The following THOC1 variants were observed in gnomAD, a reference collection of about 807,000 sequenced individuals.
THOC1 encodes the protein THO complex 1.
In THOC1, 29 loss-of-function variants were observed where a neutral mutation model predicts 97.3. The observed-to-expected ratio is 0.30, with a 90% CI of 0.22 to 0.41. The LOEUF (loss-of-function observed/expected upper bound fraction) is 0.41, where lower values mean the gene tolerates loss of function less well. THOC1 is among the 10% of genes least tolerant of loss of function. The probability of loss-of-function intolerance (pLI) is 1.00; values close to 1 mark genes in which losing one functional copy is unlikely to be tolerated. For missense variants in THOC1, 529 were observed against 761.9 expected, an observed-to-expected ratio of 0.69 and a Z score of 3.60; for synonymous variants, 255 against 257.0, an observed-to-expected ratio of 0.99 and a Z score of 0.07.
At chr18:226,752 T>G (rs1428684135) in intron 12 of THOC1, 49 bp downstream of exon 12, 1 of 1,435,898 alleles carries the variant, frequency 7.0e-7, no homozygotes, top group Non-Finnish European at 9.6e-7. Context: ...CAAGTCCTTT[T>G]TTTTCTTGGC....
Position 215,345 on chromosome 18 carries a change from G to A in THOC1, c.1678+84C>T, listed in dbSNP as rs3737344. The A allele has an allele frequency of 1.4e-5, 14 of 1,026,308 alleles. No individual in the cohort carries two copies. The African/African-American group carries it at 1.4e-4, about 11-fold the overall frequency. The allele number at this position is 1,026,308 out of a possible 1,614,324, so 63.6% of individuals were successfully genotyped here. A position where few individuals can be genotyped will look rare whatever the true frequency, so the allele number is the denominator to read the frequency against. On this transcript the variant is annotated intron_variant, in intron 20 of 20. Transcript: ENST00000261600. ...ATAAAATGGGAGAAGTTGAGAAGTC[G>A]ATCAAATTAAATAATGTACCTATCA...
intron 11 of THOC1, chr18:244,773 C>T (rs547319602): frequency 6.6e-6 from 1 of 152,102 alleles, no homozygotes; most frequent in South Asian, 2.1e-4. Flanking sequence ...TCTACCATTC[C>T]CTCCATTTTC....
intron 11 of THOC1, among the ~76,000 whole-genome samples, chr18:237,261 G>A (rs891875461): frequency 6.6e-6 from 1 of 150,416 alleles, no homozygotes; most frequent in African/African-American, 2.5e-5. Flanking sequence ...CCGGGTTCAA[G>A]CAATTCTGCC....
At chr18:267,249 G>A (rs186981373) in intron 1 of THOC1, among the ~76,000 whole-genome samples, 21 of 152,220 alleles carry the variant, frequency 1.4e-4, no homozygotes, top group African/African-American at 5.1e-4. Context: ...AGTGTCTAAA[G>A]TCAGAAAAAC....
rs534593142 is a variant in THOC1 at position 268,003 on chromosome 18, G to A, written c.17C>T (p.Pro6Leu). The change falls in exon 1 of 21, where the codon CCG (proline) becomes CTG (leucine). Residue 6 changes from proline to leucine, a missense_variant. By Grantham distance (98) the Pro-to-Leu change is moderately conservative. This residue lies in a region of THOC1 where 114 missense variants were observed against 97.4 expected (regional missense o/e 1.17). Coordinates refer to ENST00000261600, the MANE Select transcript of THOC1 (RefSeq NM_005131.3). MSPTP[P>L]LFSLPEARTR... is the part of the protein sequence containing the mutation. ...CCGCGCTTCGGGCAAACTGAAGAGC[G>A]GCGGCGTCGGAGACATCTTCTCGGC... is the stretch of plus-strand genomic sequence containing the variant. 1.9e-5 allele frequency: 31 copies of A among 1,608,610 alleles called. No individual in the cohort carries two copies. Among genetic ancestry groups the A allele is most frequent in the African/African-American group, 2.7e-5 (2 of 74,864 alleles).
chr18:251,605 T>C (rs1241478906), intron 9 of THOC1, among the ~76,000 whole-genome samples: 1 of 152,192 alleles, frequency 6.6e-6, no homozygotes, highest in Non-Finnish European at 1.5e-5. Flanking sequence ...ACGGTCTATG[T>C]AGAGTTTGCA....
chr18:222,951 GTTTGC>G (rs1285438149), intron 17 of THOC1, among the ~76,000 whole-genome samples: 1 of 151,280 alleles, frequency 6.6e-6, no homozygotes, highest in African/African-American at 2.4e-5. Flanking sequence ...GCCATCAGAT[GTTTGC>G]TGGACCTCCT....
intron 9 of THOC1, 38 bp from the exon 10 acceptor site, chr18:247,995 A>G (rs766603542): frequency 1.6e-6 from 2 of 1,258,746 alleles, no homozygotes; most frequent in Non-Finnish European, 2.2e-6. Context: ...AATCATTCAA[A>G]TTCTTTTACA....
At chr18:263,887 T>C in intron 4 of THOC1, 139 bp downstream of exon 4, 2 of 639,058 alleles carry the variant, frequency 3.1e-6, no homozygotes, top group Non-Finnish European at 2.7e-6. Context: ...CTGGGACTTC[T>C]TGGCAAAGTT....
At chr18:264,877 C>T (rs1202320972) in intron 3 of THOC1, 1 of 154,746 alleles carries the variant, frequency 6.5e-6, no homozygotes, top group East Asian at 1.9e-4. Flanking sequence ...GTTGGAGAGC[C>T]CTCAGTTATT....
At chr18:264,146 C>A in intron 3 of THOC1, 54 bp from the exon 4 acceptor site, 1 of 1,199,890 alleles carries the variant, frequency 8.3e-7, no homozygotes, top group South Asian at 1.3e-5. Context: ...AGACTAAACT[C>A]GATTAACAGT....
chr18:234,433 C>G (rs1953196534), intron 11 of THOC1, among the ~76,000 whole-genome samples: 1 of 152,150 alleles, frequency 6.6e-6, no homozygotes, highest in Non-Finnish European at 1.5e-5. Context: ...AAAATCAGTC[C>G]TTTATCAACT....
At chr18:265,227 A>G (rs1912725113) in intron 3 of THOC1, 76 bp downstream of exon 3, 3 of 1,261,260 alleles carry the variant, frequency 2.4e-6, no homozygotes, top group East Asian at 2.5e-5. Flanking sequence ...ATCCATTCTA[A>G]GAAAAAAAGC....
chr18:215,522 G>A lies in THOC1; in HGVS notation c.1603-18C>T. The A allele has an allele frequency of 6.3e-7, 1 of 1,599,086 alleles. No homozygotes were observed. The highest frequency in any genetic ancestry group is 8.6e-7 in the Non-Finnish European group (1 of 1,166,982). The stretch of plus-strand genomic sequence containing the variant: ...GAAGGAGGCTAAAAATGAGAAAGAA[G>A]AATGTTTGAAAGAATGCCAGCCTCT... On this transcript the variant is annotated intron_variant, in intron 19 of 20. Coordinates refer to ENST00000261600, the MANE Select transcript of THOC1 (RefSeq NM_005131.3).
At chr18:257,496 T>C (rs1032296391) in intron 7 of THOC1, among the ~76,000 whole-genome samples, 13 of 152,286 alleles carry the variant, frequency 8.5e-5, no homozygotes, top group South Asian at 2.1e-4. Context: ...ATGTAAAATA[T>C]ATACTGACAG....
chr18:215,421 G>A lies in THOC1; in HGVS notation c.1678+8C>T. On this transcript the variant is annotated splice_region_variant and intron_variant, in intron 20 of 20. Coordinates refer to ENST00000261600, the MANE Select transcript of THOC1 (RefSeq NM_005131.3). ...TTTGTTAAATAACCAAGAAAATTCA[G>A]TTCTTACTTTCATTTTCCTTCAGTA... is the stretch of plus-strand genomic sequence containing the variant. 1.2e-6 allele frequency: 2 copies of A among 1,608,306 alleles called. No individual in the cohort carries two copies. Among genetic ancestry groups the A allele is most frequent in the African/African-American group, 1.3e-5 (1 of 74,944 alleles).
intron 12 of THOC1, chr18:225,814 G>A (rs578262387): frequency 6.4e-6 from 1 of 156,392 alleles, no homozygotes; most frequent in East Asian, 1.9e-4. Context: ...CCCTAGAAAA[G>A]GCAACAGGCA....
At chr18:246,912 G>A (rs1362389246) in intron 10 of THOC1, among the ~76,000 whole-genome samples, 16 of 93,750 alleles carry the variant, frequency 1.7e-4, no homozygotes, top group African/African-American at 1.7e-4. Context: ...GGGAGGCTCC[G>A]TCTCAAAAAA....
rs1016343033 is a variant in THOC1, at chr18:254,520, C to A, written c.521-165G>T. Among the ~76,000 whole-genome samples the A allele has an allele frequency of 5.3e-5, 8 of 152,040 alleles. No homozygotes were observed. The highest frequency in any genetic ancestry group is 1.7e-4 in the African/African-American group (7 of 41,392). On this transcript the variant is annotated intron_variant, in intron 7 of 20. Coordinates refer to ENST00000261600, the MANE Select transcript of THOC1 (RefSeq NM_005131.3). This position sits in a 1 kb window ranked among gnomAD's most constrained non-coding sequence, Gnocchi z 4.1. ...TTCAAAAATTCATTTCTTAAAAGTA[C>A]CTTTGGAGTATGGGCATACCTTGTT...
Sources: gnomAD v4.1 joint callset for allele counts (sites outside exome capture counted in the v4.1 genomes callset) on GRCh38, gnomAD v4.1.1 for gene constraint, gnomAD v4.1.1 regional missense constraint, Gnocchi (gnomAD v3.1) non-coding constraint, MANE v1.5 for transcripts, NCBI Gene and HGNC (gene_info 2026-07-23, HGNC 2026-07-21) for gene names.